The following PRMT8 variants were observed in gnomAD, a reference collection of about 807,000 sequenced individuals.
The protein encoded by PRMT8 is protein arginine methyltransferase 8, also known as protein arginine N-methyltransferase 8.
PRMT8 carries 7 observed loss-of-function variants against 47.1 expected under a neutral mutation model. That is an observed-to-expected ratio of 0.15 (90% CI 0.08 to 0.28). The LOEUF (loss-of-function observed/expected upper bound fraction) is 0.28, where lower values mean the gene tolerates loss of function less well. Ranked by LOEUF, PRMT8 falls within the 10% of genes least tolerant of loss-of-function variation. The pLI is 1.00. For missense variants in PRMT8, 237 were observed against 505.4 expected (o/e 0.47, Z 5.09); for synonymous variants, 188 against 186.5 (o/e 1.01, Z -0.07).
chr12:3,389,870 G>T (rs1864175865), intron 1 of PRMT8, among the ~76,000 whole-genome samples: 1 of 152,240 alleles, frequency 6.6e-6, no homozygotes, highest in Admixed American at 6.5e-5. Context: ...ATGGCTGGTT[G>T]ATGAGTTTGG....
At chr12:3,431,936 C>T (rs1186790935) in intron 1 of PRMT8, among the ~76,000 whole-genome samples, 4 of 152,144 alleles carry the variant, frequency 2.6e-5, no homozygotes, top group Admixed American at 1.3e-4. Flanking sequence ...AGAATGCTTT[C>T]GGCAGGCAGT....
At chr12:3,479,406 C>A (rs1199006827) in intron 1 of PRMT8, among the ~76,000 whole-genome samples, 1 of 152,080 alleles carries the variant, frequency 6.6e-6, no homozygotes, top group African/African-American at 2.4e-5. Flanking sequence ...TGATTGTGTT[C>A]AAAAAAGCCC....
intron 1 of PRMT8, among the ~76,000 whole-genome samples, chr12:3,469,947 G>A (rs976801239): frequency 6.6e-6 from 1 of 152,164 alleles, no homozygotes; most frequent in African/African-American, 2.4e-5. Flanking sequence ...CCAAGGTGCC[G>A]AGGAGCACAC....
chr12:3,487,808 A>G (rs770796745), upstream of PRMT8, among the ~76,000 whole-genome samples: 10 of 152,072 alleles, frequency 6.6e-5, no homozygotes, highest in Admixed American at 1.3e-4. Context: ...TAACTTAGGG[A>G]TCTTCTTCCT....
chr12:3,553,766 A>T, intron 4 of PRMT8, 52 bp downstream of exon 4: 2 of 1,473,958 alleles, frequency 1.4e-6, no homozygotes, highest in Non-Finnish European at 1.9e-6. Context: ...CGGGAAGCTC[A>T]CACTTTCTTG....
At position 3,491,220 on chromosome 12, in the gene PRMT8, G is replaced by C. The variant is rs77557942; in HGVS notation, c.-406G>C. 2.4e-4 allele frequency: 237 copies of C among 1,000,506 alleles called. No homozygotes were observed. The highest frequency in any genetic ancestry group is 2.7e-4 in the Non-Finnish European group (229 of 840,026). 62.0% of individuals were successfully genotyped at this position (1,000,506 alleles called of 1,614,324 possible). ...AGCGTGTTGCTTCGCCCAGCGGATC[G>C]GCAGAAGTTGAGAGGAGTTGGCGGC... On this transcript the variant is annotated 5_prime_UTR_variant, in exon 1 of 10. Transcript: ENST00000382622.
At chr12:3,561,754 C>G (rs950833535) in intron 4 of PRMT8, among the ~76,000 whole-genome samples, 3 of 152,234 alleles carry the variant, frequency 2.0e-5, no homozygotes, top group African/African-American at 4.8e-5. Context: ...GCTCTGGAAT[C>G]AGACTTTCTG....
Position 3,436,922 on chromosome 12 carries a change from C to T in PRMT8, c.48+55480C>T, listed in dbSNP as rs531638505. On this transcript the variant is annotated intron_variant, in intron 1 of 9. Coordinates refer to the PRMT8 transcript ENST00000452611. The surrounding 1 kb of genome is among the most constrained non-coding windows in gnomAD (Gnocchi z 4.2). ...GCTGGTGGGGTGTCCCAGTGGATGG[C>T]GAGAGTTTGGTAGGTTCAATTTGAT... Among the ~76,000 whole-genome samples, 13 of 152,290 alleles carry T rather than the reference C, an allele frequency of 8.5e-5. No homozygotes were observed. Among genetic ancestry groups the T allele is most frequent in the South Asian group, 6.2e-4 (3 of 4,830 alleles).
intron 1 of PRMT8, among the ~76,000 whole-genome samples, chr12:3,416,642 C>G (rs1864486479): frequency 6.6e-6 from 1 of 152,172 alleles, no homozygotes; most frequent in African/African-American, 2.4e-5. Context: ...TTTACAGGAG[C>G]CTGTTAAAGG....
At position 3,535,226 on chromosome 12, in the gene PRMT8, G is replaced by A. The variant is rs990011097; in HGVS notation, c.76-5380G>A. 2.0e-5 allele frequency among the ~76,000 whole-genome samples: 3 copies of A among 152,174 alleles called. No individual in the cohort carries two copies. Among genetic ancestry groups the A allele is most frequent in the Non-Finnish European group, 2.9e-5 (2 of 68,034 alleles). ...TTCCTCCTGTCTCCAGCTCTGCTGCGTCCATAACCTTTCATCTCTGCATTT... is the reference window on the plus strand; with the variant it reads ...TTCCTCCTGTCTCCAGCTCTGCTGCATCCATAACCTTTCATCTCTGCATTT... On this transcript the variant is annotated intron_variant, in intron 1 of 9. Coordinates refer to ENST00000382622, the MANE Select transcript of PRMT8 (RefSeq NM_019854.5). This position sits in a 1 kb window ranked among gnomAD's most constrained non-coding sequence, Gnocchi z 4.7.
intron 1 of PRMT8, among the ~76,000 whole-genome samples, chr12:3,462,331 T>C (rs765758554): frequency 5.3e-5 from 8 of 151,908 alleles, no homozygotes; most frequent in Non-Finnish European, 8.8e-5. Flanking sequence ...GAAAATATGG[T>C]ATATGTACAG....
At chr12:3,444,748 G>T (rs1320277467) in intron 1 of PRMT8, among the ~76,000 whole-genome samples, 1 of 152,254 alleles carries the variant, frequency 6.6e-6, no homozygotes, top group African/African-American at 2.4e-5. Flanking sequence ...AAACCCAGCA[G>T]TTCCGTGGGA....
At chr12:3,529,306 C>T (rs1387073931) in intron 1 of PRMT8, among the ~76,000 whole-genome samples, 2 of 152,152 alleles carry the variant, frequency 1.3e-5, no homozygotes, top group Non-Finnish European at 2.9e-5. Context: ...TTTGTCATCT[C>T]TCAGGGATCA....
rs188335718 is a variant in PRMT8, at chr12:3,414,004, G to A, written c.48+32562G>A. Among the ~76,000 whole-genome samples, 587 of 152,274 alleles carry A rather than the reference G, an allele frequency of 3.9e-3. 15 individuals are homozygous for A. The highest frequency in any genetic ancestry group is 5.8e-3 in the Admixed American group (89 of 15,290). On this transcript the variant is annotated intron_variant, in intron 1 of 9. Coordinates refer to the PRMT8 transcript ENST00000452611. ...AGATACAGAGGGATGACTGATTTAT[G>A]TATCGAAAGACCAAAAAGACATAGG...
intron 2 of PRMT8, among the ~76,000 whole-genome samples, chr12:3,544,193 T>A (rs1424774311): frequency 6.6e-6 from 1 of 152,244 alleles, no homozygotes; most frequent in African/African-American, 2.4e-5. Flanking sequence ...GGCATGTTCC[T>A]TCCTGAAATG....
intron 4 of PRMT8, 34 bp downstream of exon 4, chr12:3,553,748 G>A (rs1487196928): frequency 1.3e-6 from 2 of 1,522,044 alleles, no homozygotes; most frequent in East Asian, 2.2e-5. Context: ...TCTCCTGGAT[G>A]GAGGGGACGG....
intron 1 of PRMT8, among the ~76,000 whole-genome samples, chr12:3,405,867 CA>C (rs1864368099): frequency 6.6e-6 from 1 of 152,186 alleles, no homozygotes; most frequent in Admixed American, 6.5e-5. Context: ...GGTGAAGTAC[CA>C]TTCTGAGATC....
chr12:3,483,437 C>G (rs1865293116), intron 1 of PRMT8, among the ~76,000 whole-genome samples: 1 of 140,594 alleles, frequency 7.1e-6, no homozygotes, highest in Non-Finnish European at 1.5e-5. Context: ...TAAAATGTCA[C>G]TTAACCATGA....
At position 3,538,011 on chromosome 12, in the gene PRMT8, G is replaced by A. The variant is rs1053001859; in HGVS notation, c.76-2595G>A. Among the ~76,000 whole-genome samples the A allele has an allele frequency of 3.9e-5, 6 of 151,924 alleles. No homozygotes were observed. The highest frequency in any genetic ancestry group is 8.8e-5 in the Non-Finnish European group (6 of 68,012). ...CCCGTTGTCTTTTGTATTTAATTAC[G>A]ACCTCTTAGCCTGGCCATAATTTCC... On this transcript the variant is annotated intron_variant, in intron 1 of 9. Coordinates refer to ENST00000382622, the MANE Select transcript of PRMT8 (RefSeq NM_019854.5). The surrounding 1 kb of genome is among the most constrained non-coding windows in gnomAD (Gnocchi z 4.6).
Sources: gnomAD v4.1 joint callset for allele counts (sites outside exome capture counted in the v4.1 genomes callset) on GRCh38, gnomAD v4.1.1 for gene constraint, Gnocchi (gnomAD v3.1) non-coding constraint, MANE v1.5 for transcripts, NCBI Gene and HGNC (gene_info 2026-07-23, HGNC 2026-07-21) for gene names.